The following CCT2 variants were observed in gnomAD, a reference collection of about 807,000 sequenced individuals.
The protein encoded by CCT2 is T-complex protein 1 subunit beta.
In CCT2, 18 loss-of-function variants were observed where a neutral mutation model predicts 61.8. That is an observed-to-expected ratio of 0.29 (90% CI 0.20 to 0.43). CCT2 has a LOEUF of 0.43. Among genes scored for constraint, CCT2 ranks in the 20% least tolerant of loss-of-function variants. CCT2 has a pLI of 1.00. For synonymous variants in CCT2, 248 were observed against 215.9 expected (o/e 1.15, Z -1.30); for missense variants, 556 against 656.9 (o/e 0.85, Z 1.68).
chr12:69,589,276 A>AC (rs1051105644), intron 6 of CCT2: 70 of 514,398 alleles, frequency 1.4e-4, no homozygotes, highest in South Asian at 5.9e-4. Context: ...TGTGGCCCCC[A>AC]CCCCTCTTTT....
intron 10 of CCT2, among the ~76,000 whole-genome samples, 156 bp downstream of exon 10, chr12:69,593,769 A>G (rs1057073733): frequency 1.3e-5 from 2 of 152,234 alleles, no homozygotes; most frequent in South Asian, 2.1e-4. Context: ...ACATAGATAC[A>G]TTACATTTAC....
In CCT2 at chr12:69,599,307, G is replaced by A. The variant is rs566171193; in HGVS notation, c.1436-556G>A. Among the ~76,000 whole-genome samples the A allele has an allele frequency of 2.0e-5, 3 of 152,240 alleles. No homozygotes were observed. In the East Asian group the frequency reaches 5.8e-4, roughly 29 times the overall value. On this transcript the variant is annotated intron_variant, in intron 14 of 15. Transcript: ENST00000299300. Reference sequence around the variant, plus strand: ...GCAGTCTCACTATGTTGTTCAGGCTGGCCTCAAGCAATCCTCCTGCCTCAG... The same window carrying A: ...GCAGTCTCACTATGTTGTTCAGGCTAGCCTCAAGCAATCCTCCTGCCTCAG...
chr12:69,601,463 C>T lies in CCT2; in HGVS notation c.*138C>T, dbSNP rs1461535679. 1.3e-6 allele frequency: 2 copies of T among 1,555,084 alleles called. No homozygotes were observed. The highest frequency in any genetic ancestry group is 2.4e-5 in the South Asian group (2 of 83,110). On this transcript the variant is annotated 3_prime_UTR_variant, in exon 16 of 16. Coordinates refer to ENST00000299300, the MANE Select transcript of CCT2 (RefSeq NM_006431.3). ...AGTTTGGATATTTAGCTGACCTTCG[C>T]TTTAACATAGGTCTAATTTATTTGC...
chr12:69,597,678 A>G lies in CCT2; in HGVS notation c.1143A>G (p.Gln381=), dbSNP rs200681952. The change falls in exon 12 of 16, where the codon CAA becomes CAG. Residue 381 remains glutamine, a synonymous_variant. Transcript: ENST00000299300. ...CTIVLRGATQ[Q]ILDEAERSLH... is the part of the protein sequence containing the mutation. Reference sequence around the variant, plus strand: ...TTGTTTTGCGTGGTGCCACTCAACAAATTTTAGATGAAGCAGAAAGATCAT... The same window carrying G: ...TTGTTTTGCGTGGTGCCACTCAACAGATTTTAGATGAAGCAGAAAGATCAT... 18 of 1,613,976 alleles carry G rather than the reference A, an allele frequency of 1.1e-5. No homozygotes were observed. The East Asian group carries it at 3.8e-4, about 34-fold the overall frequency.
chr12:69,588,262 G>T lies in CCT2; in HGVS notation c.446G>T (p.Gly149Val). 1 of 1,601,764 alleles carries T rather than the reference G, an allele frequency of 6.2e-7. No homozygotes were observed. Among genetic ancestry groups the T allele is most frequent in the South Asian group, 1.1e-5 (1 of 90,788 alleles). The change falls in exon 6 of 16, where the codon GGT (glycine) becomes GTT (valine). Residue 149 changes from glycine (G) to valine (V), a missense_variant and splice_region_variant. By Grantham distance (109) the Gly-to-Val change is moderately radical. Coordinates refer to ENST00000299300, the MANE Select transcript of CCT2 (RefSeq NM_006431.3). The stretch of plus-strand genomic sequence containing the variant: ...CTGTTGAGTTCTGCAGTTGATCATG[G>T]GTTTGTATAGCAAAGTACTACTGTT... The part of the protein sequence containing the change: ...EALLSSAVDH[G>V]SDEVKFRQDL...
At chr12:69,590,462 T>G (rs1411040457) in intron 7 of CCT2, among the ~76,000 whole-genome samples, 1 of 152,176 alleles carries the variant, frequency 6.6e-6, no homozygotes, top group African/African-American at 2.4e-5. Context: ...TAGTAGTACA[T>G]TTTTGTTTAG....
At chr12:69,597,828 G>A in intron 12 of CCT2, 62 bp downstream of exon 12, 1 of 1,513,438 alleles carries the variant, frequency 6.6e-7, no homozygotes, top group Admixed American at 1.8e-5. Context: ...TAAGTCATAA[G>A]TGGTTTTAAT....
Position 69,601,468 on chromosome 12 carries a change from A to C in CCT2, c.*143A>C. 6.5e-7 allele frequency: 1 copy of C among 1,541,074 alleles called. No individual in the cohort carries two copies. Among genetic ancestry groups the C allele is most frequent in the Non-Finnish European group, 8.7e-7 (1 of 1,144,904 alleles). ...GGATATTTAGCTGACCTTCGCTTTAACATAGGTCTAATTTATTTGCCGTGT... is the reference window on the plus strand; with the variant it reads ...GGATATTTAGCTGACCTTCGCTTTACCATAGGTCTAATTTATTTGCCGTGT... On this transcript the variant is annotated 3_prime_UTR_variant, in exon 16 of 16. Coordinates refer to ENST00000299300, the MANE Select transcript of CCT2 (RefSeq NM_006431.3).
At chr12:69,587,764 G>C (rs1489907240) in intron 4 of CCT2, 148 bp downstream of exon 4, 4 of 737,150 alleles carry the variant, frequency 5.4e-6, no homozygotes, top group Non-Finnish European at 6.9e-6. Context: ...ACAAGCTTCA[G>C]GAGTGCCCGT....
chr12:69,590,956 G>C (rs1014607978), intron 7 of CCT2, among the ~76,000 whole-genome samples: 1 of 151,104 alleles, frequency 6.6e-6, no homozygotes, highest in Non-Finnish European at 1.5e-5. Flanking sequence ...TGACCTAAGG[G>C]GATCCACCTG....
chr12:69,585,576 G>A, intron 1 of CCT2, 52 bp downstream of exon 1: 3 of 1,560,304 alleles, frequency 1.9e-6, no homozygotes, highest in Non-Finnish European at 1.7e-6. Flanking sequence ...CCGTGCTCTT[G>A]CCACCCCACT....
Position 69,601,410 on chromosome 12 carries a change from C to CGAA in CCT2, c.*85_*86insGAA. 1 of 1,612,886 alleles carries CGAA rather than the reference C, an allele frequency of 6.2e-7. No individual in the cohort carries two copies. Among genetic ancestry groups the CGAA allele is most frequent in the Non-Finnish European group, 8.5e-7 (1 of 1,179,516 alleles). ...ACTCTATTAAAGAAGACTGTGGAAT[C>CGAA]TGTTTATCGGTGCCCATTATATCCT... is the stretch of plus-strand genomic sequence containing the variant. On this transcript the variant is annotated 3_prime_UTR_variant, in exon 16 of 16. Coordinates refer to ENST00000299300, the MANE Select transcript of CCT2 (RefSeq NM_006431.3).
chr12:69,601,272 T>G (rs942371339), intron 15 of CCT2, 23 bp from the exon 16 acceptor site: 3 of 1,578,802 alleles, frequency 1.9e-6, no homozygotes, highest in Non-Finnish European at 2.6e-6. Context: ...TTTTCACTAT[T>G]GACTTTTTTC....
At chr12:69,588,124 CTTT>C (rs750305969) in intron 5 of CCT2, 23 bp from the exon 6 acceptor site, 4 of 1,582,926 alleles carry the variant, frequency 2.5e-6, no homozygotes, top group Non-Finnish European at 3.5e-6. Context: ...CTATTTATAA[CTTT>C]TGTTTTATAA....
chr12:69,589,032 G>A lies in CCT2; in HGVS notation c.447-453G>A, dbSNP rs188179239. 534 of 164,546 alleles carry A rather than the reference G, an allele frequency of 3.2e-3. 3 individuals carry two copies. The highest frequency in any genetic ancestry group is 0.012 in the African/African-American group (512 of 41,658). The allele number at this position is 164,546 out of a possible 1,614,324, so 10.2% of individuals were successfully genotyped here. ...CAACCTCTGCCTCCCGGGTTCAAGC[G>A]ATTCTCTTGCCTCAGCCTCCCAAGT... On this transcript the variant is annotated intron_variant, in intron 6 of 15. Transcript: ENST00000299300.
chr12:69,601,392 T>A lies in CCT2; in HGVS notation c.*67T>A. 6.2e-7 allele frequency: 1 copy of A among 1,613,648 alleles called. No individual in the cohort carries two copies. Among genetic ancestry groups the A allele is most frequent in the Non-Finnish European group, 8.5e-7 (1 of 1,179,778 alleles). ...AAGTTGTGTTTGAAAGATACTCTAT[T>A]AAAGAAGACTGTGGAATCTGTTTAT... is the stretch of plus-strand genomic sequence containing the variant. On this transcript the variant is annotated 3_prime_UTR_variant, in exon 16 of 16. Coordinates refer to ENST00000299300, the MANE Select transcript of CCT2 (RefSeq NM_006431.3).
chr12:69,595,036 T>C (rs1199844140), intron 10 of CCT2, among the ~76,000 whole-genome samples: 11 of 148,922 alleles, frequency 7.4e-5, no homozygotes, highest in Admixed American at 6.1e-4. Context: ...AATGAATGAA[T>C]AGGTTGGAAA....
chr12:69,590,146 G>A (rs1295414285), intron 7 of CCT2, among the ~76,000 whole-genome samples: 3 of 152,118 alleles, frequency 2.0e-5, no homozygotes, highest in South Asian at 2.1e-4. Context: ...CTTTGTGTCC[G>A]TGGTTTGCAC....
At chr12:69,587,029 G>A (rs1395203445) in intron 3 of CCT2, 3 of 433,008 alleles carry the variant, frequency 6.9e-6, no homozygotes, top group Non-Finnish European at 1.2e-5. Flanking sequence ...TCATTTGCAC[G>A]TACATCTTCT....
Sources: allele counts gnomAD v4.1 joint callset (sites outside exome capture counted in the v4.1 genomes callset), GRCh38; gene constraint gnomAD v4.1.1; transcripts MANE v1.5; gene names NCBI Gene and HGNC (gene_info 2026-07-23, HGNC 2026-07-21).